Variants in MAP7 observed in about 807,000 individuals in gnomAD.
The protein encoded by MAP7 is ensconsin.
In MAP7, 52 loss-of-function variants were observed where a neutral mutation model predicts 94.8. That is an observed-to-expected ratio of 0.55 (90% confidence interval 0.44 to 0.69). The LOEUF (loss-of-function observed/expected upper bound fraction) is 0.69. Among genes scored for constraint, MAP7 ranks in the 30% least tolerant of loss-of-function variants. MAP7 has a pLI of 0.00. For synonymous variants in MAP7, 350 were observed against 357.0 expected (o/e 0.98, Z 0.22); for missense variants, 940 against 964.6 (o/e 0.97, Z 0.34).
At chr6:136,393,977 T>TA (rs56999564) in intron 3 of MAP7, among the ~76,000 whole-genome samples, 79,892 of 110,380 alleles carry the variant, frequency 0.72, 29,203 homozygotes, top group South Asian at 0.82. Context: ...GCAGCAAAGG[T>TA]ATTTTTTTTT....
At chr6:136,446,694 G>A (rs1028084079) in intron 1 of MAP7, among the ~76,000 whole-genome samples, 2 of 152,140 alleles carry the variant, frequency 1.3e-5, no homozygotes, top group Non-Finnish European at 2.9e-5. Context: ...ACATCACTTT[G>A]GAGATTCCAA....
chr6:136,489,503 C>T (rs1212570809), intron 1 of MAP7, among the ~76,000 whole-genome samples: 5 of 147,644 alleles, frequency 3.4e-5, no homozygotes, highest in African/African-American at 1.2e-4. Context: ...TACCTCATTA[C>T]AATGCTCTGT....
At chr6:136,525,803 T>A in intron 1 of MAP7, 1 of 1,527,670 alleles carries the variant, frequency 6.5e-7, no homozygotes, top group Non-Finnish European at 8.7e-7. Context: ...TGGATCTGGC[T>A]CCGACCAAAG....
chr6:136,480,886 A>G (rs918905374), intron 1 of MAP7, among the ~76,000 whole-genome samples: 10 of 152,176 alleles, frequency 6.6e-5, no homozygotes, highest in African/African-American at 2.4e-4. Context: ...CAAGGGAATA[A>G]TAATGAATAT....
At chr6:136,419,848 CA>C (rs1457295783) in intron 2 of MAP7, 2 of 394,856 alleles carry the variant, frequency 5.1e-6, no homozygotes, top group Non-Finnish European at 9.6e-6. Context: ...CTTTTTACTT[CA>C]GTTTTTGTCA....
chr6:136,539,448 T>C (rs942871022), intron 1 of MAP7, among the ~76,000 whole-genome samples: 3 of 152,216 alleles, frequency 2.0e-5, no homozygotes, highest in Non-Finnish European at 4.4e-5. Context: ...ACATGCTCAG[T>C]TTCCATATAA....
chr6:136,539,107 G>T (rs530697040), intron 1 of MAP7, among the ~76,000 whole-genome samples: 1 of 152,100 alleles, frequency 6.6e-6, no homozygotes, highest in African/African-American at 2.4e-5. Flanking sequence ...TGTGCCCATC[G>T]TTTCACAGTA....
At chr6:136,500,090 T>A (rs1359232295) in intron 1 of MAP7, among the ~76,000 whole-genome samples, 3 of 151,208 alleles carry the variant, frequency 2.0e-5, no homozygotes, top group Non-Finnish European at 4.4e-5. Flanking sequence ...AGTTGTGTGA[T>A]TCTGAGCAAG....
chr6:136,535,745 TTC>T (rs1260002888), intron 1 of MAP7, among the ~76,000 whole-genome samples: 3 of 152,012 alleles, frequency 2.0e-5, no homozygotes, highest in African/African-American at 2.4e-5. Flanking sequence ...ATCTTTTTTT[TTC>T]TTTTTTTTTT....
At chr6:136,452,167 C>T (rs924120697) in intron 1 of MAP7, among the ~76,000 whole-genome samples, 6 of 151,482 alleles carry the variant, frequency 4.0e-5, no homozygotes, top group African/African-American at 1.2e-4. Context: ...GAACTCCAGC[C>T]TGGGAGACAG....
At chr6:136,455,223 A>T (rs1248370610) in intron 1 of MAP7, among the ~76,000 whole-genome samples, 2 of 152,128 alleles carry the variant, frequency 1.3e-5, no homozygotes, top group Non-Finnish European at 2.9e-5. Context: ...GCAATATGTG[A>T]ATATTAAAAG....
Position 136,356,805 on chromosome 6 carries a change from T to C in MAP7, c.1913-11A>G, listed in dbSNP as rs371808838. On this transcript the variant is annotated splice_polypyrimidine_tract_variant and intron_variant, in intron 15 of 17. Coordinates refer to ENST00000354570, the MANE Select transcript of MAP7 (RefSeq NM_003980.6). ...GAAGTGCAGACACCTCTGGGCATAG[T>C]AAAGGAGACAGAACACAGGGTTACT... is the stretch of plus-strand genomic sequence containing the variant. 3.1e-6 allele frequency: 5 copies of C among 1,604,184 alleles called. No homozygotes were observed. The highest frequency in any genetic ancestry group is 1.3e-5 in the African/African-American group (1 of 74,826).
intron 3 of MAP7, among the ~76,000 whole-genome samples, 164 bp downstream of exon 3, chr6:136,411,456 G>C (rs1787422902): frequency 2.0e-5 from 3 of 152,310 alleles, no homozygotes; most frequent in Non-Finnish European, 1.5e-5. Flanking sequence ...CCTGAGGCTA[G>C]AGTTTATTGT....
rs1347634635 is a variant in MAP7, at chr6:136,519,195, T to A, written c.67+31147A>T. Reference sequence around the variant, plus strand: ...TCCCCTATTATTTTTATATAAATATTTTGAATAAAATATTACATTTAAGAT... The same window carrying A: ...TCCCCTATTATTTTTATATAAATATATTGAATAAAATATTACATTTAAGAT... On this transcript the variant is annotated intron_variant, in intron 1 of 17. Coordinates refer to ENST00000354570, the MANE Select transcript of MAP7 (RefSeq NM_003980.6). Among the ~76,000 whole-genome samples the A allele has an allele frequency of 1.1e-4, 16 of 152,284 alleles. No homozygotes were observed. In the East Asian group the frequency reaches 2.9e-3, roughly 28 times the overall value.
At chr6:136,482,813 G>A (rs1003974292) in intron 1 of MAP7, among the ~76,000 whole-genome samples, 1 of 152,096 alleles carries the variant, frequency 6.6e-6, no homozygotes, top group African/African-American at 2.4e-5. Context: ...GATTTGGCAG[G>A]CAACAAGCTG....
intron 16 of MAP7, among the ~76,000 whole-genome samples, chr6:136,348,546 A>T (rs963141985): frequency 1.3e-5 from 2 of 152,162 alleles, no homozygotes; most frequent in African/African-American, 2.4e-5. Context: ...TTGAAGACTG[A>T]TGTAAGACTT....
intron 12 of MAP7, 35 bp from the exon 13 acceptor site, chr6:136,360,833 A>G (rs755392143): frequency 1.2e-6 from 2 of 1,607,742 alleles, no homozygotes; most frequent in South Asian, 1.1e-5. Flanking sequence ...CCTCTGACAA[A>G]CAGGCGGGCT....
At chr6:136,420,203 G>T in intron 2 of MAP7, 2 of 1,026,048 alleles carry the variant, frequency 1.9e-6, no homozygotes, top group Non-Finnish European at 3.1e-6. Flanking sequence ...TGGATCTTGT[G>T]TTCAGGCATT....
At chr6:136,489,522 G>GCTTCTTTTTTTTTTTTTTTTTTTTTTTTT (rs1562456485) in intron 1 of MAP7, among the ~76,000 whole-genome samples, 1 of 124,322 alleles carries the variant, frequency 8.0e-6, no homozygotes. Context: ...GTAACATCAG[G>GCTTCTTTTTTTTTTTTTTTTTTTTTTTTT]TTTCTTTTTT....
Sources: allele counts gnomAD v4.1 joint callset (sites outside exome capture counted in the v4.1 genomes callset), GRCh38; gene constraint gnomAD v4.1.1; transcripts MANE v1.5; gene names NCBI Gene and HGNC (gene_info 2026-07-23, HGNC 2026-07-21).